MANBA: variants seen among roughly 807,000 people sequenced by gnomAD.
The protein encoded by MANBA is beta-mannosidase.
In MANBA, 83 loss-of-function variants were observed where a neutral mutation model predicts 111.1. The ratio of observed to expected loss-of-function variants is 0.75; its 90% confidence interval spans 0.63 to 0.90. The LOEUF (loss-of-function observed/expected upper bound fraction) is 0.90. MANBA is among the 40% of genes least tolerant of loss of function. The pLI is 0.00. For synonymous variants in MANBA, 370 were observed against 378.7 expected (o/e 0.98, Z 0.27); for missense variants, 1,036 against 1,069.0 (o/e 0.97, Z 0.43).
At chr4:102,654,417 C>A (rs529188004) in intron 12 of MANBA, among the ~76,000 whole-genome samples, 5 of 152,156 alleles carry the variant, frequency 3.3e-5, no homozygotes, top group East Asian at 1.9e-4. Context: ...TTTTAAAAAA[C>A]CAAAGGTAGA....
Position 102,668,926 on chromosome 4 carries a change from A to T in MANBA, c.1317+37T>A, listed in dbSNP as rs775791950. The T allele has an allele frequency of 1.3e-5, 19 of 1,503,768 alleles. No homozygotes were observed. In the African/African-American group the frequency reaches 2.5e-4, roughly 20 times the overall value. 93.2% of individuals were successfully genotyped at this position (1,503,768 alleles called of 1,614,324 possible). On this transcript the variant is annotated intron_variant, in intron 10 of 16. Coordinates refer to ENST00000647097, the MANE Select transcript of MANBA (RefSeq NM_005908.4). The stretch of plus-strand genomic sequence containing the variant: ...ACAAAAGGCAATACTAAAACATATT[A>T]TTTGTTTTATTTCTTCTTGGAAGGG...
intron 12 of MANBA, among the ~76,000 whole-genome samples, chr4:102,652,444 G>A (rs1730377461): frequency 6.6e-6 from 1 of 152,016 alleles, no homozygotes; most frequent in Non-Finnish European, 1.5e-5. Flanking sequence ...TTACGTGGGA[G>A]GCTTTCTACC....
At chr4:102,744,916 C>A (rs1030595917) in intron 1 of MANBA, among the ~76,000 whole-genome samples, 1 of 152,190 alleles carries the variant, frequency 6.6e-6, no homozygotes, top group Non-Finnish European at 1.5e-5. Context: ...ATAACTCTCA[C>A]CCTACAAGTC....
intron 7 of MANBA, among the ~76,000 whole-genome samples, chr4:102,679,182 C>T (rs1731853332): frequency 6.6e-6 from 1 of 152,138 alleles, no homozygotes; most frequent in Non-Finnish European, 1.5e-5. Context: ...AAGAGACATT[C>T]TTTGTCGTGC....
intron 1 of MANBA, among the ~76,000 whole-genome samples, chr4:102,747,512 T>A (rs866501807): frequency 1.3e-5 from 2 of 152,166 alleles, no homozygotes; most frequent in Non-Finnish European, 2.9e-5. Flanking sequence ...CACCCAGGAT[T>A]AGTACTTCGT....
chr4:102,724,218 C>T (rs1394307333), intron 2 of MANBA, among the ~76,000 whole-genome samples: 1 of 152,114 alleles, frequency 6.6e-6, no homozygotes, highest in Non-Finnish European at 1.5e-5. Context: ...TTATAATTTC[C>T]AAATATATTG....
chr4:102,683,427 G>A (rs1732069898), intron 7 of MANBA, among the ~76,000 whole-genome samples: 1 of 152,180 alleles, frequency 6.6e-6, no homozygotes, highest in Non-Finnish European at 1.5e-5. Context: ...GAATACTTGA[G>A]AAATTCTTAT....
intron 4 of MANBA, among the ~76,000 whole-genome samples, chr4:102,715,628 T>C (rs1023613288): frequency 6.6e-6 from 1 of 152,200 alleles, no homozygotes; most frequent in Non-Finnish European, 1.5e-5. Flanking sequence ...TTATTTTTCC[T>C]GATCTTCTCT....
chr4:102,750,912 C>CA (rs1723765995), intron 1 of MANBA, among the ~76,000 whole-genome samples: 2 of 150,912 alleles, frequency 1.3e-5, no homozygotes, highest in African/African-American at 2.4e-5. Flanking sequence ...TACCCTATCT[C>CA]AAAAAACAAA....
chr4:102,632,115 G>T lies in MANBA; in HGVS notation c.2582C>A (p.Thr861Asn). The change falls in exon 17 of 17, where the codon ACC becomes AAC. Residue 861 changes from threonine to asparagine, a missense_variant. By Grantham distance (65) the Thr-to-Asn change is moderately conservative. Transcript: ENST00000647097. Reference sequence around the variant, plus strand: ...AGATTGCTCCAACTCATTCTTGCTGGTGGGCTCCCAAGGGTAAAATAATAT... The same window carrying T: ...AGATTGCTCCAACTCATTCTTGCTGTTGGGCTCCCAAGGGTAAAATAATAT... The part of the protein sequence containing the change: ...RTILFYPWEP[T>N]SKNELEQSFH... The T allele has an allele frequency of 6.2e-7, 1 of 1,612,868 alleles. No homozygotes were observed. The highest frequency in any genetic ancestry group is 1.1e-5 in the South Asian group (1 of 91,036).
At chr4:102,633,416 G>T in intron 16 of MANBA, 1 of 398,638 alleles carries the variant, frequency 2.5e-6, no homozygotes, top group East Asian at 3.6e-5. Context: ...ATCTTCGTTG[G>T]ATTGGAAATC....
chr4:102,691,379 C>G (rs1364719055), intron 5 of MANBA, among the ~76,000 whole-genome samples: 1 of 151,908 alleles, frequency 6.6e-6, no homozygotes, highest in Non-Finnish European at 1.5e-5. Flanking sequence ...AACTAAAAGT[C>G]TATAGACAAA....
intron 10 of MANBA, 144 bp from the exon 11 acceptor site, chr4:102,664,996 T>C (rs1731157584): frequency 4.7e-6 from 3 of 638,548 alleles, no homozygotes; most frequent in Non-Finnish European, 8.2e-6. Flanking sequence ...TGGCTAGTCA[T>C]GTTAGCTGCA....
chr4:102,697,916 C>T (rs1732807056), intron 5 of MANBA, among the ~76,000 whole-genome samples: 1 of 151,868 alleles, frequency 6.6e-6, no homozygotes, highest in African/African-American at 2.4e-5. Flanking sequence ...AGTTCTAGAT[C>T]CCTGAGGAAT....
At position 102,671,949 on chromosome 4, in the gene MANBA, T is replaced by C. The variant is rs893981284; in HGVS notation, c.1113-551A>G. On this transcript the variant is annotated intron_variant, in intron 8 of 16. Transcript: ENST00000647097. ...TTCCCAGAACAGTGCTCAAACCAAG[T>C]AACAGGCTGGGCAGACCCAGAGCAC... 1.7e-5 allele frequency: 7 copies of C among 405,206 alleles called. No individual in the cohort carries two copies. In the South Asian group the frequency reaches 4.9e-4, roughly 28 times the overall value. The allele number at this position is 405,206 out of a possible 1,614,324, so 25.1% of individuals were successfully genotyped here. A position where few individuals can be genotyped will look rare whatever the true frequency, so the allele number is the denominator to read the frequency against.
Position 102,734,246 on chromosome 4 carries a change from T to C in MANBA, c.178-7563A>G, listed in dbSNP as rs887392079. On this transcript the variant is annotated intron_variant, in intron 1 of 16. Coordinates refer to ENST00000647097, the MANE Select transcript of MANBA (RefSeq NM_005908.4). ...AACCCTCTGTACTTTCTGTTCAATTTTGCTGTAAACCTACAAAGTCTACTC... is the reference window on the plus strand; with the variant it reads ...AACCCTCTGTACTTTCTGTTCAATTCTGCTGTAAACCTACAAAGTCTACTC... The C allele has an allele frequency of 1.5e-5, 15 of 1,026,114 alleles. No individual in the cohort carries two copies. In the African/African-American group the frequency reaches 2.4e-4, roughly 17 times the overall value. 63.6% of individuals were successfully genotyped at this position (1,026,114 alleles called of 1,614,324 possible).
At chr4:102,698,739 A>G (rs1158477018) in intron 5 of MANBA, among the ~76,000 whole-genome samples, 3 of 151,826 alleles carry the variant, frequency 2.0e-5, no homozygotes, top group African/African-American at 4.9e-5. Context: ...TACCAGTACC[A>G]TGCTGTTTTG....
intron 9 of MANBA, 36 bp from the exon 10 acceptor site, chr4:102,669,085 A>G (rs1293038632): frequency 4.2e-6 from 6 of 1,439,694 alleles, no homozygotes; most frequent in South Asian, 2.3e-5. Context: ...CAACACTTCC[A>G]TAAGTTTTAT....
At chr4:102,692,557 G>A (rs978605196) in intron 5 of MANBA, among the ~76,000 whole-genome samples, 10 of 152,198 alleles carry the variant, frequency 6.6e-5, no homozygotes, top group African/African-American at 1.7e-4. Flanking sequence ...AAAACAGACC[G>A]TTTTTTAAAG....
Sources: allele counts gnomAD v4.1 joint callset (sites outside exome capture counted in the v4.1 genomes callset), GRCh38; gene constraint gnomAD v4.1.1; transcripts MANE v1.5; gene names NCBI Gene and HGNC (gene_info 2026-07-23, HGNC 2026-07-21).